The following STK17A variants were observed in gnomAD, a reference collection of about 807,000 sequenced individuals.
STK17A encodes the protein serine/threonine kinase 17a, also known as serine/threonine-protein kinase 17A.
In STK17A, 26 loss-of-function variants were observed where a neutral mutation model predicts 43.7. The observed-to-expected ratio is 0.60, with a 90% confidence interval of 0.44 to 0.83. The LOEUF is 0.83. Among genes scored for constraint, STK17A ranks in the 40% least tolerant of loss-of-function variants. STK17A has a pLI of 0.00. For synonymous variants in STK17A, 191 were observed against 182.5 expected (o/e 1.05, Z -0.38); for missense variants, 476 against 511.6 (o/e 0.93, Z 0.67).
intron 3 of STK17A, among the ~76,000 whole-genome samples, chr7:43,617,295 A>G (rs1052774273): frequency 1.3e-4 from 20 of 152,258 alleles, no homozygotes. Flanking sequence ...TCCAATTTAT[A>G]TAATACAAAA....
chr7:43,625,008 A>G lies in STK17A; in HGVS notation c.*166A>G. On this transcript the variant is annotated 3_prime_UTR_variant, in exon 7 of 7. Transcript: ENST00000319357. The stretch of plus-strand genomic sequence containing the variant: ...TGGAGTTAGGTGGAAGCCAGATTTT[A>G]AAAGTTGCCAACCAGGAGATTTAAC... The G allele has an allele frequency of 1.7e-6, 1 of 583,512 alleles. No homozygotes were observed. The allele number at this position is 583,512 out of a possible 1,614,324, so 36.1% of individuals were successfully genotyped here. A position where few individuals can be genotyped will look rare whatever the true frequency, so the allele number is the denominator to read the frequency against.
At chr7:43,598,559 T>C (rs2082535818) in intron 2 of STK17A, among the ~76,000 whole-genome samples, 1 of 151,594 alleles carries the variant, frequency 6.6e-6, no homozygotes, top group South Asian at 2.1e-4. Context: ...CCTCCATTGA[T>C]AACTGTGGTC....
At chr7:43,602,487 C>T (rs2082562171) in intron 2 of STK17A, among the ~76,000 whole-genome samples, 1 of 152,178 alleles carries the variant, frequency 6.6e-6, no homozygotes, top group Non-Finnish European at 1.5e-5. Context: ...GATGAGGTCA[C>T]CAGTCCTGTG....
At chr7:43,589,761 C>G (rs368777308) in intron 1 of STK17A, among the ~76,000 whole-genome samples, 1 of 147,364 alleles carries the variant, frequency 6.8e-6, no homozygotes, top group Non-Finnish European at 1.5e-5. Context: ...AACATATTCT[C>G]TCTTCCCAGT....
At chr7:43,584,202 TG>T (rs1413857599) in intron 1 of STK17A, among the ~76,000 whole-genome samples, 1 of 152,174 alleles carries the variant, frequency 6.6e-6, no homozygotes, top group East Asian at 1.9e-4. Context: ...CTTTACATTT[TG>T]TATGCTGAAG....
intron 2 of STK17A, among the ~76,000 whole-genome samples, chr7:43,600,736 A>G (rs2082549582): frequency 6.6e-6 from 1 of 152,084 alleles, no homozygotes; most frequent in South Asian, 2.1e-4. Flanking sequence ...CAGCACTTTT[A>G]CTTTTAGAAA....
rs1475907369 is a variant in STK17A at position 43,626,165 on chromosome 7, A to G, written c.*1323A>G. The G allele has an allele frequency of 3.9e-5, 6 of 152,224 alleles. No individual in the cohort carries two copies. Among genetic ancestry groups the G allele is most frequent in the Non-Finnish European group, 7.3e-5 (5 of 68,040 alleles). 9.4% of individuals were successfully genotyped at this position (152,224 alleles called of 1,614,324 possible). A position where few individuals can be genotyped will look rare whatever the true frequency, so the allele number is the denominator to read the frequency against. The stretch of plus-strand genomic sequence containing the variant: ...CCGTGGCCATGCCTCGCTCTGCACT[A>G]TGAACAACTCAGACCTGTCCCTTCA... On this transcript the variant is annotated 3_prime_UTR_variant, in exon 7 of 7. Transcript: ENST00000319357.
intron 2 of STK17A, among the ~76,000 whole-genome samples, chr7:43,606,992 C>T (rs1045843422): frequency 2.0e-4 from 25 of 128,072 alleles, no homozygotes; most frequent in African/African-American, 6.7e-4. Context: ...GGTGTGATCT[C>T]GGTTCATCCC....
At chr7:43,598,965 A>G (rs1316685356) in intron 2 of STK17A, among the ~76,000 whole-genome samples, 1 of 152,074 alleles carries the variant, frequency 6.6e-6, no homozygotes, top group Non-Finnish European at 1.5e-5. Context: ...GGGTGTCACC[A>G]TGTTGGCCAG....
At chr7:43,616,221 C>G (rs2083328559) in intron 3 of STK17A, among the ~76,000 whole-genome samples, 1 of 152,186 alleles carries the variant, frequency 6.6e-6, no homozygotes, top group South Asian at 2.1e-4. Flanking sequence ...CGCCTGAGCA[C>G]TTTGTATATA....
At chr7:43,614,110 C>T (rs2083125257) in intron 3 of STK17A, among the ~76,000 whole-genome samples, 1 of 152,190 alleles carries the variant, frequency 6.6e-6, no homozygotes, top group African/African-American at 2.4e-5. Flanking sequence ...CCATGACACC[C>T]TAAGCCTTAT....
chr7:43,592,687 TAAAA>T (rs34551277), intron 1 of STK17A, among the ~76,000 whole-genome samples: 1 of 109,508 alleles, frequency 9.1e-6, no homozygotes, highest in Non-Finnish European at 1.9e-5. Flanking sequence ...CCATCTGTAC[TAAAA>T]AAAAAAAAAA....
At chr7:43,623,034 C>T (rs1288690151) in intron 4 of STK17A, 1 of 152,816 alleles carries the variant, frequency 6.5e-6, no homozygotes, top group East Asian at 1.9e-4. Context: ...TTGCCTTTGT[C>T]CCATGCCTGT....
intron 2 of STK17A, among the ~76,000 whole-genome samples, chr7:43,601,158 T>A (rs2082551974): frequency 6.6e-6 from 1 of 152,004 alleles, no homozygotes; most frequent in South Asian, 2.1e-4. Context: ...TTATGTTGTT[T>A]TTATTTAAAA....
intron 3 of STK17A, among the ~76,000 whole-genome samples, chr7:43,617,169 G>A (rs1295643961): frequency 2.7e-4 from 41 of 152,302 alleles, no homozygotes. Flanking sequence ...TGATGAGTCT[G>A]GAGAGCTAGT....
chr7:43,602,621 A>G (rs1204016891), intron 2 of STK17A, among the ~76,000 whole-genome samples: 1 of 152,056 alleles, frequency 6.6e-6, no homozygotes, highest in Non-Finnish European at 1.5e-5. Context: ...ATTTTTTTAA[A>G]ATCTCCTCCT....
intron 4 of STK17A, 66 bp from the exon 5 acceptor site, chr7:43,623,506 T>A: frequency 7.2e-7 from 1 of 1,390,516 alleles, no homozygotes; most frequent in Non-Finnish European, 1.0e-6. Flanking sequence ...TAGTTTTTTA[T>A]CTCTTAGAGC....
rs1379359635 is a variant in STK17A, at chr7:43,595,289, C to CTTTT, written c.207-612_207-611insTTTT. On this transcript the variant is annotated intron_variant, in intron 1 of 6. Coordinates refer to ENST00000319357, the MANE Select transcript of STK17A (RefSeq NM_004760.3). The stretch of plus-strand genomic sequence containing the variant: ...TGGCTTTTTTTTTTTTTTTTTTTTC[C>CTTTT]CCCCTGGAGACAGAGTCTCACTCTG... Among the ~76,000 whole-genome samples the CTTTT allele has an allele frequency of 5.1e-3, 398 of 77,760 alleles. 9 individuals carry two copies. Among genetic ancestry groups the CTTTT allele is most frequent in the Non-Finnish European group, 7.6e-3 (294 of 38,802 alleles). 51.0% of individuals were successfully genotyped at this position (77,760 alleles called of 152,430 possible).
At chr7:43,584,576 G>A (rs896081042) in intron 1 of STK17A, among the ~76,000 whole-genome samples, 1 of 152,176 alleles carries the variant, frequency 6.6e-6, no homozygotes, top group Non-Finnish European at 1.5e-5. Context: ...CCTTCAGCTG[G>A]GGTCTTGGAA....
Sources: allele counts gnomAD v4.1 joint callset (sites outside exome capture counted in the v4.1 genomes callset), GRCh38; gene constraint gnomAD v4.1.1; transcripts MANE v1.5; gene names NCBI Gene and HGNC (gene_info 2026-07-23, HGNC 2026-07-21).